The following NFIC variants were observed in gnomAD, a reference collection of about 807,000 sequenced individuals.
NFIC encodes the protein nuclear factor 1 C-type.
NFIC carries 12 observed loss-of-function variants against 54.4 expected under a neutral mutation model. That is an observed-to-expected ratio of 0.22 (90% CI 0.14 to 0.36). NFIC has a LOEUF of 0.36. Ranked by LOEUF, NFIC falls within the 10% of genes least tolerant of loss-of-function variation. The probability of loss-of-function intolerance (pLI) is 1.00; values close to 1 mark genes in which losing one functional copy is unlikely to be tolerated. For synonymous variants in NFIC, 322 were observed against 319.2 expected, an observed-to-expected ratio of 1.01 and a Z score of -0.09; for missense variants, 575 against 718.2, an observed-to-expected ratio of 0.80 and a Z score of 2.28.
chr19:3,394,554 T>G, intron 2 of NFIC, among the ~76,000 whole-genome samples: 1 of 105,920 alleles, frequency 9.4e-6, no homozygotes, highest in Non-Finnish European at 1.7e-5. Flanking sequence ...AGTCTGAAAT[T>G]TGGACAGACC....
chr19:3,390,433 G>A (rs2081359895), intron 2 of NFIC, among the ~76,000 whole-genome samples: 1 of 152,188 alleles, frequency 6.6e-6, no homozygotes, highest in African/African-American at 2.4e-5. Flanking sequence ...TGGCCAGGGA[G>A]CTGAACAGAG....
chr19:3,385,617 G>A (rs2081284967), intron 2 of NFIC, among the ~76,000 whole-genome samples: 1 of 141,950 alleles, frequency 7.0e-6, no homozygotes. Flanking sequence ...CTGTCTCCCA[G>A]GCTGGAGTGC....
Position 3,379,090 on chromosome 19 carries a change from C to T in NFIC, c.31-2622C>T, listed in dbSNP as rs59713381. Reference sequence around the variant, plus strand: ...TTTTTGTTTTCCCAAGATGGAGTCTCGCCCTGTCACCCAGGCTGGAGTACA... The same window carrying T: ...TTTTTGTTTTCCCAAGATGGAGTCTTGCCCTGTCACCCAGGCTGGAGTACA... On this transcript the variant is annotated intron_variant, in intron 1 of 10. Transcript: ENST00000443272. Among the ~76,000 whole-genome samples the T allele has an allele frequency of 9.0e-3, 1,369 of 152,144 alleles. 25 individuals carry two copies. Among genetic ancestry groups the T allele is most frequent in the African/African-American group, 0.031 (1,295 of 41,500 alleles).
In NFIC at chr19:3,409,451, G is replaced by C. The variant is rs139870365; in HGVS notation, c.563-15655G>C. Among the ~76,000 whole-genome samples the C allele has an allele frequency of 3.3e-5, 5 of 152,272 alleles. No homozygotes were observed. The East Asian group carries it at 9.6e-4, about 29-fold the overall frequency. On this transcript the variant is annotated intron_variant, in intron 2 of 10. Transcript: ENST00000443272. ...CTAGAACCGTGTGAAATGATCTGAG[G>C]CTTCCTCCATGCACTGGTTCTGCCC...
intron 1 of NFIC, among the ~76,000 whole-genome samples, chr19:3,380,309 C>CTT (rs529220524): frequency 0.19 from 12,244 of 64,982 alleles, 2,331 homozygotes; most frequent in East Asian, 0.46. Flanking sequence ...CAGCCTTGTT[C>CTT]TTTTTTTTTT....
intron 2 of NFIC, among the ~76,000 whole-genome samples, chr19:3,418,272 T>G (rs935109513): frequency 1.1e-4 from 16 of 151,948 alleles, no homozygotes; most frequent in Non-Finnish European, 2.1e-4. Flanking sequence ...AACTTTTGTA[T>G]TTTTTGTAGA....
chr19:3,372,124 G>A (rs569674754), intron 1 of NFIC, among the ~76,000 whole-genome samples: 6 of 150,626 alleles, frequency 4.0e-5, no homozygotes, highest in African/African-American at 1.2e-4. Flanking sequence ...GGGTTCACGC[G>A]ATTCTCCTAC....
At position 3,463,952 on chromosome 19, in the gene NFIC, G is replaced by T; in HGVS notation, c.*1183G>T. On this transcript the variant is annotated 3_prime_UTR_variant, in exon 11 of 11. Coordinates refer to ENST00000443272, the MANE Select transcript of NFIC (RefSeq NM_001245002.2). ...CCAGCCCCTCCAGTCAACCCTCATC[G>T]CCGTGCCCCCCCAGAGCTAGAGAGA... 1.0e-6 allele frequency: 1 copy of T among 975,202 alleles called. No individual in the cohort carries two copies. The highest frequency in any genetic ancestry group is 1.2e-6 in the Non-Finnish European group (1 of 827,406). 60.4% of individuals were successfully genotyped at this position (975,202 alleles called of 1,614,324 possible).
In NFIC at chr19:3,369,178, T is replaced by A. The variant is rs1342129803; in HGVS notation, c.30+2512T>A. Among the ~76,000 whole-genome samples, 4 of 151,944 alleles carry A rather than the reference T, an allele frequency of 2.6e-5. No individual in the cohort carries two copies. Among genetic ancestry groups the A allele is most frequent in the Non-Finnish European group, 4.4e-5 (3 of 67,972 alleles). On this transcript the variant is annotated intron_variant, in intron 1 of 10. Transcript: ENST00000443272. The surrounding 1 kb of genome is among the most constrained non-coding windows in gnomAD (Gnocchi z 4.3). ...TGTCTCTCCCTCCCTTTGCCTTCTT[T>A]GTGTGTCTGTCCGATGTGTCTCTGT...
chr19:3,406,601 G>A (rs1220940812), intron 2 of NFIC, among the ~76,000 whole-genome samples: 2 of 152,200 alleles, frequency 1.3e-5, no homozygotes, highest in African/African-American at 2.4e-5. Flanking sequence ...CGCTCAAGAC[G>A]TGTGTTGGAT....
chr19:3,438,043 C>T (rs1442471529), intron 6 of NFIC, among the ~76,000 whole-genome samples: 1 of 152,120 alleles, frequency 6.6e-6, no homozygotes, highest in Non-Finnish European at 1.5e-5. Flanking sequence ...AGAATGTAAA[C>T]TGCACGCTAA....
intron 1 of NFIC, chr19:3,359,737 G>A (rs2145406883): frequency 7.2e-7 from 1 of 1,392,984 alleles, no homozygotes; most frequent in South Asian, 1.5e-5. Context: ...TTGGGGTGGT[G>A]CGTGGGCTCC....
chr19:3,382,146 G>A lies in NFIC; in HGVS notation c.465G>A (p.Ala155=), dbSNP rs564160469. 4.2e-5 allele frequency: 68 copies of A among 1,613,284 alleles called. No individual in the cohort carries two copies. The highest frequency in any genetic ancestry group is 2.7e-4 in the South Asian group (25 of 91,082). ...STDGERLVKA[A]QCGHPVLCVQ... The stretch of plus-strand genomic sequence containing the variant: ...ACGGCGAGCGCCTGGTCAAGGCTGC[G>A]CAGTGCGGTCACCCGGTCCTGTGCG... Residue 155 remains alanine, a synonymous_variant, in exon 2 of 11, where the codon GCG becomes GCA. Coordinates refer to ENST00000443272, the MANE Select transcript of NFIC (RefSeq NM_001245002.2).
chr19:3,450,386 T>TG (rs1431812783), intron 7 of NFIC, among the ~76,000 whole-genome samples: 1 of 144,518 alleles, frequency 6.9e-6, no homozygotes, highest in Non-Finnish European at 1.5e-5. Context: ...CCAGGCACAG[T>TG]GGTTCACACC....
Position 3,459,580 on chromosome 19 carries a change from G to T in NFIC, c.1509+2945G>T, listed in dbSNP as rs1332197825. On this transcript the variant is annotated intron_variant, in intron 10 of 10. Coordinates refer to ENST00000443272, the MANE Select transcript of NFIC (RefSeq NM_001245002.2). The surrounding 1 kb of genome is among the most constrained non-coding windows in gnomAD (Gnocchi z 4.2). The stretch of plus-strand genomic sequence containing the variant: ...CACCTACTGCCTCAGTCTCCCCTCA[G>T]CTGAGTGGGAGGATGTGGAGTTGAG... Among the ~76,000 whole-genome samples the T allele has an allele frequency of 6.6e-6, 1 of 152,144 alleles. No individual in the cohort carries two copies.
At position 3,394,339 on chromosome 19, in the gene NFIC, G is replaced by A. The variant is rs192556182; in HGVS notation, c.562+12096G>A. On this transcript the variant is annotated intron_variant, in intron 2 of 10. Coordinates refer to ENST00000443272, the MANE Select transcript of NFIC (RefSeq NM_001245002.2). ...ACAAAAAAATTAAAAAATTAGCCAGGCGTGGTGGCGTGAACCTGCGGTCCC... is the reference window on the plus strand; with the variant it reads ...ACAAAAAAATTAAAAAATTAGCCAGACGTGGTGGCGTGAACCTGCGGTCCC... Among the ~76,000 whole-genome samples the A allele has an allele frequency of 3.0e-3, 461 of 151,948 alleles. 2 individuals carry two copies. Among genetic ancestry groups the A allele is most frequent in the African/African-American group, 9.6e-3 (397 of 41,458 alleles).
At chr19:3,422,403 G>A (rs1256584063) in intron 2 of NFIC, among the ~76,000 whole-genome samples, 2 of 150,950 alleles carry the variant, frequency 1.3e-5, no homozygotes, top group African/African-American at 4.9e-5. Flanking sequence ...TCATTTTGCG[G>A]ATGAAGAAAC....
At chr19:3,456,787 C>A in intron 10 of NFIC, 152 bp downstream of exon 10, 1 of 746,780 alleles carries the variant, frequency 1.3e-6, no homozygotes, top group Non-Finnish European at 2.2e-6. Context: ...CCTCGAGCCC[C>A]CACCTGGCCT....
intron 2 of NFIC, among the ~76,000 whole-genome samples, chr19:3,404,400 G>A (rs901702537): frequency 1.5e-4 from 23 of 152,170 alleles, no homozygotes; most frequent in African/African-American, 5.5e-4. Context: ...GGTGCCGAGT[G>A]GCAGATAATG....
Sources: allele counts gnomAD v4.1 joint callset (sites outside exome capture counted in the v4.1 genomes callset), GRCh38; gene constraint gnomAD v4.1.1; non-coding constraint Gnocchi (gnomAD v3.1); transcripts MANE v1.5; gene names NCBI Gene and HGNC (gene_info 2026-07-23, HGNC 2026-07-21).